The following ZFAT variants were observed in gnomAD, a reference collection of about 807,000 sequenced individuals.
ZFAT encodes the protein zinc finger and AT-hook domain containing.
A neutral mutation model predicts 117.7 loss-of-function variants in ZFAT; 64 were observed. That is an observed-to-expected ratio of 0.54 (90% CI 0.44 to 0.67). ZFAT has a LOEUF of 0.67. ZFAT is among the 30% of genes least tolerant of loss of function. The probability of loss-of-function intolerance (pLI) is 0.00; values close to 1 mark genes in which losing one functional copy is unlikely to be tolerated. For synonymous variants in ZFAT, 679 were observed against 615.0 expected, an observed-to-expected ratio of 1.10 and a Z score of -1.54; for missense variants, 1,433 against 1,584.5, an observed-to-expected ratio of 0.90 and a Z score of 1.62.
intron 1 of ZFAT, among the ~76,000 whole-genome samples, chr8:134,662,112 G>C (rs1586912144): frequency 6.6e-6 from 1 of 152,168 alleles, no homozygotes; most frequent in African/African-American, 2.4e-5. Flanking sequence ...TGCTTGGTGA[G>C]GGCTGCTTCC....
chr8:134,512,125 C>A (rs558929913), intron 14 of ZFAT, among the ~76,000 whole-genome samples: 7 of 152,360 alleles, frequency 4.6e-5, no homozygotes, highest in African/African-American at 1.7e-4. Flanking sequence ...CAACCATTAA[C>A]CATTAGCCAA....
intron 15 of ZFAT, among the ~76,000 whole-genome samples, chr8:134,499,854 C>T (rs943226897): frequency 6.6e-6 from 1 of 152,184 alleles, no homozygotes; most frequent in South Asian, 2.1e-4. Context: ...ACAGGGCAGA[C>T]GTCCGGTGGG....
At chr8:134,757,009 CTTTT>C in the ZFAT span, among the ~76,000 whole-genome samples, 2 of 81,212 alleles carry the variant, frequency 2.5e-5, no homozygotes, top group Non-Finnish European at 4.4e-5. Flanking sequence ...ACCTTCTTTC[CTTTT>C]TTTTTTTTTT....
intron 2 of ZFAT, among the ~76,000 whole-genome samples, chr8:134,645,117 C>G (rs1178474265): frequency 3.3e-5 from 5 of 152,178 alleles, no homozygotes; most frequent in African/African-American, 1.2e-4. Flanking sequence ...TTCTGCAGAC[C>G]ACTTCCTACA....
At chr8:134,601,208 T>A (rs1827419218) in intron 6 of ZFAT, among the ~76,000 whole-genome samples, 1 of 152,194 alleles carries the variant, frequency 6.6e-6, no homozygotes, top group Non-Finnish European at 1.5e-5. Context: ...AAGATTCTTC[T>A]TGGTTAGAGT....
the ZFAT span, among the ~76,000 whole-genome samples, chr8:134,808,305 G>A: frequency 2.0e-5 from 3 of 152,346 alleles, no homozygotes; most frequent in South Asian, 4.1e-4. Context: ...CTGCCTAGAA[G>A]GTTGAGACTA....
At chr8:134,557,683 G>A (rs996201722) in intron 11 of ZFAT, among the ~76,000 whole-genome samples, 1 of 152,108 alleles carries the variant, frequency 6.6e-6, no homozygotes, top group African/African-American at 2.4e-5. Flanking sequence ...AGACAGAAAA[G>A]AAGGAAAGAG....
At chr8:134,798,850 T>C in the ZFAT span, among the ~76,000 whole-genome samples, 7 of 152,186 alleles carry the variant, frequency 4.6e-5, no homozygotes, top group African/African-American at 1.4e-4. Flanking sequence ...AGAAAAATTC[T>C]ATATTTTATG....
chr8:134,667,976 C>T (rs1451061406), intron 1 of ZFAT, among the ~76,000 whole-genome samples: 1 of 152,150 alleles, frequency 6.6e-6, no homozygotes, highest in Non-Finnish European at 1.5e-5. Flanking sequence ...CGCATGGCTC[C>T]GTGGGTCCCA....
At chr8:134,711,022 GCTAAACAACAGAACAATAAACAAC>G (rs1813974217) in intron 1 of ZFAT, among the ~76,000 whole-genome samples, 1 of 152,252 alleles carries the variant, frequency 6.6e-6, no homozygotes, top group African/African-American at 2.4e-5. Context: ...TGCATCAGCT[GCTAAACAACAGAACAATAAACAAC>G]GGCTGGCTTT....
At position 134,602,865 on chromosome 8, in the gene ZFAT, G is replaced by C. The variant is rs779516150; in HGVS notation, c.854C>G (p.Ser285Trp). ...GTGGATCCTCAGGTGGGCCTGCAGC[G>C]AGTGCTTGAACTTGAAGACCTTGTT... Reference protein sequence around the residue: ...YCNKVFKFKHSLQAHLRIHTN... With the variant: ...YCNKVFKFKHWLQAHLRIHTN... The change falls in exon 6 of 16, where the codon TCG (serine) becomes TGG (tryptophan). Residue 285 changes from serine to tryptophan, a missense_variant. By Grantham distance (177) the Ser-to-Trp change is radical. This residue lies in a region of ZFAT where 436 missense variants were observed against 482.0 expected (regional missense o/e 0.90). Coordinates refer to ENST00000377838, the MANE Select transcript of ZFAT (RefSeq NM_020863.4). 1 of 1,609,094 alleles carries C rather than the reference G, an allele frequency of 6.2e-7. No individual in the cohort carries two copies.
At chr8:134,812,290 T>C in the ZFAT span, among the ~76,000 whole-genome samples, 1 of 152,242 alleles carries the variant, frequency 6.6e-6, no homozygotes, top group Non-Finnish European at 1.5e-5. Flanking sequence ...CAAAGATTCT[T>C]TACTTCCTCT....
chr8:134,782,608 T>C, the ZFAT span, among the ~76,000 whole-genome samples: 1 of 152,146 alleles, frequency 6.6e-6, no homozygotes, highest in South Asian at 2.1e-4. Flanking sequence ...GTGATTTCCC[T>C]CATACTGTTC....
chr8:134,683,679 C>A (rs1833176748), intron 1 of ZFAT, among the ~76,000 whole-genome samples: 1 of 151,980 alleles, frequency 6.6e-6, no homozygotes, highest in Non-Finnish European at 1.5e-5. Flanking sequence ...GCTGTGGCGG[C>A]TCCACCAAGA....
chr8:134,588,182 C>T, intron 9 of ZFAT, 64 bp downstream of exon 9: 1 of 1,493,436 alleles, frequency 6.7e-7, no homozygotes, highest in Non-Finnish European at 8.9e-7. Context: ...TTAATGTACT[C>T]CCAAAATGAA....
At chr8:134,580,972 T>G (rs968618926) in intron 10 of ZFAT, among the ~76,000 whole-genome samples, 2 of 152,158 alleles carry the variant, frequency 1.3e-5, no homozygotes, top group African/African-American at 4.8e-5. Context: ...AACAAAGTTA[T>G]TTAACTTTGT....
chr8:134,676,255 C>CA (rs146638821), intron 1 of ZFAT, among the ~76,000 whole-genome samples: 8,937 of 80,520 alleles, frequency 0.11, 581 homozygotes, highest in South Asian at 0.22. Context: ...AAATGGAAAG[C>CA]AAAAAAAAAA....
the ZFAT span, among the ~76,000 whole-genome samples, chr8:134,747,129 C>T: frequency 1.3e-5 from 2 of 151,940 alleles, no homozygotes; most frequent in African/African-American, 4.8e-5. Context: ...TGCTCTGTTG[C>T]CCAGGTTGGA....
At chr8:134,590,148 A>G in intron 8 of ZFAT, 120 bp downstream of exon 8, 1 of 682,994 alleles carries the variant, frequency 1.5e-6, no homozygotes, top group Non-Finnish European at 2.4e-6. Flanking sequence ...TTTCCCATGA[A>G]TATATTCACA....
Sources: allele counts gnomAD v4.1 joint callset (sites outside exome capture counted in the v4.1 genomes callset), GRCh38; gene constraint gnomAD v4.1.1; regional missense constraint gnomAD v4.1.1; transcripts MANE v1.5; gene names NCBI Gene and HGNC (gene_info 2026-07-23, HGNC 2026-07-21).